ZNF385D: variants seen among roughly 807,000 people sequenced by gnomAD.
ZNF385D encodes the protein zinc finger protein 659.
ZNF385D carries 15 observed loss-of-function variants against 35.8 expected under a neutral mutation model. The ratio of observed to expected loss-of-function variants is 0.42; its 90% CI spans 0.28 to 0.64. The LOEUF is 0.64. Ranked by LOEUF, ZNF385D falls within the 30% of genes least tolerant of loss-of-function variation. The probability of loss-of-function intolerance (pLI) is 0.23; values close to 1 mark genes in which losing one functional copy is unlikely to be tolerated. For synonymous variants in ZNF385D, 212 were observed against 186.8 expected, an observed-to-expected ratio of 1.13 and a Z score of -1.10; for missense variants, 474 against 494.6, an observed-to-expected ratio of 0.96 and a Z score of 0.39.
At chr3:22,074,566 T>A (rs1278343126) in intron 3 of ZNF385D, among the ~76,000 whole-genome samples, 2 of 151,958 alleles carry the variant, frequency 1.3e-5, no homozygotes, top group East Asian at 3.8e-4. Context: ...AATTCCTGAT[T>A]CAAACCTCAT....
intron 3 of ZNF385D, among the ~76,000 whole-genome samples, chr3:21,757,877 C>A (rs1348982004): frequency 6.6e-6 from 1 of 152,166 alleles, no homozygotes; most frequent in Non-Finnish European, 1.5e-5. Context: ...ACCAATGCCT[C>A]AGATGGTGTC....
intron 2 of ZNF385D, among the ~76,000 whole-genome samples, chr3:22,269,114 T>C (rs1701045236): frequency 6.6e-6 from 1 of 151,966 alleles, no homozygotes; most frequent in Non-Finnish European, 1.5e-5. Flanking sequence ...AAACAGCTTA[T>C]ACCCTGCCAA....
chr3:21,691,086 C>A (rs182480064), intron 1 of ZNF385D, among the ~76,000 whole-genome samples: 6 of 152,208 alleles, frequency 3.9e-5, no homozygotes, highest in African/African-American at 1.4e-4. Context: ...TAGCCTGGAC[C>A]ACATGGTCAA....
intron 5 of ZNF385D, among the ~76,000 whole-genome samples, chr3:21,428,149 ATTC>A (rs1701105901): frequency 6.6e-6 from 1 of 152,168 alleles, no homozygotes; most frequent in African/African-American, 2.4e-5. Flanking sequence ...AGGAAAATGT[ATTC>A]TTAATTATAA....
chr3:21,971,760 G>T (rs936886351), intron 3 of ZNF385D, among the ~76,000 whole-genome samples: 2 of 151,338 alleles, frequency 1.3e-5, no homozygotes, highest in African/African-American at 4.8e-5. Context: ...TGAAAATAAA[G>T]GGATGAAAAA....
At chr3:21,773,265 T>G (rs974879560) in intron 3 of ZNF385D, among the ~76,000 whole-genome samples, 1 of 147,054 alleles carries the variant, frequency 6.8e-6, no homozygotes, top group Admixed American at 6.9e-5. Context: ...ATAAAAGATA[T>G]TTACCATTTT....
chr3:21,916,344 A>G (rs1419384993), intron 3 of ZNF385D, among the ~76,000 whole-genome samples: 3 of 152,126 alleles, frequency 2.0e-5, no homozygotes, highest in Non-Finnish European at 4.4e-5. Context: ...TTGTTCTTCA[A>G]ACTAACCCTC....
chr3:21,681,299 A>G (rs13317234), intron 1 of ZNF385D, among the ~76,000 whole-genome samples: 614 of 7,634 alleles, frequency 0.08, 5 homozygotes, highest in African/African-American at 0.15. Context: ...TTCCATCAGT[A>G]AAAAAAAAAA....
chr3:21,782,309 C>T (rs548825359), intron 3 of ZNF385D, among the ~76,000 whole-genome samples: 1 of 152,212 alleles, frequency 6.6e-6, no homozygotes, highest in African/African-American at 2.4e-5. Context: ...AACATAAAAT[C>T]TCCAAGTTTA....
At chr3:22,035,307 A>T (rs1698247963) in intron 3 of ZNF385D, among the ~76,000 whole-genome samples, 1 of 152,202 alleles carries the variant, frequency 6.6e-6, no homozygotes, top group South Asian at 2.1e-4. Flanking sequence ...ACAGGGCTGG[A>T]CAGTCTTGTT....
chr3:21,971,026 G>A (rs899539689), intron 3 of ZNF385D, among the ~76,000 whole-genome samples: 1 of 152,040 alleles, frequency 6.6e-6, no homozygotes, highest in Admixed American at 6.5e-5. Context: ...AAAGCTGAGG[G>A]ATTTTATCAA....
intron 2 of ZNF385D, among the ~76,000 whole-genome samples, chr3:22,329,423 C>G (rs1333655949): frequency 2.6e-5 from 4 of 152,076 alleles, no homozygotes; most frequent in African/African-American, 9.7e-5. Flanking sequence ...TTGGTGCAGA[C>G]TAGAAGTTTT....
chr3:22,109,775 A>C (rs1490028202), intron 3 of ZNF385D, among the ~76,000 whole-genome samples: 1 of 152,142 alleles, frequency 6.6e-6, no homozygotes, highest in African/African-American at 2.4e-5. Context: ...AAAATTGACA[A>C]ATGGGATCTA....
chr3:21,430,290 T>G (rs146439453), intron 5 of ZNF385D, among the ~76,000 whole-genome samples: 8 of 152,240 alleles, frequency 5.3e-5, no homozygotes, highest in Non-Finnish European at 1.2e-4. Context: ...TTGAAAGTAA[T>G]TCACTGATTT....
intron 4 of ZNF385D, among the ~76,000 whole-genome samples, chr3:21,475,922 C>T (rs1028611680): frequency 6.6e-6 from 1 of 150,496 alleles, no homozygotes; most frequent in African/African-American, 2.4e-5. Flanking sequence ...AGACCTCATC[C>T]TTTAGATATA....
chr3:21,968,483 G>T (rs1179035273), intron 3 of ZNF385D, among the ~76,000 whole-genome samples: 1 of 151,852 alleles, frequency 6.6e-6, no homozygotes, highest in Non-Finnish European at 1.5e-5. Flanking sequence ...AGGCAGAAGA[G>T]CTCTCAAGTC....
At chr3:21,842,167 A>G (rs886166745) in intron 3 of ZNF385D, among the ~76,000 whole-genome samples, 2 of 151,978 alleles carry the variant, frequency 1.3e-5, no homozygotes, top group African/African-American at 4.8e-5. Flanking sequence ...TAATAATTCA[A>G]TATGTAATCT....
chr3:21,886,330 G>C (rs1698544988), intron 3 of ZNF385D, among the ~76,000 whole-genome samples: 1 of 151,748 alleles, frequency 6.6e-6, no homozygotes, highest in Non-Finnish European at 1.5e-5. Context: ...AGTGATTGTA[G>C]ATTTAGTAAC....
intron 2 of ZNF385D, among the ~76,000 whole-genome samples, chr3:22,350,891 C>T (rs1695884696): frequency 6.6e-6 from 1 of 152,006 alleles, no homozygotes; most frequent in Admixed American, 6.6e-5. Flanking sequence ...TACCTAAAAC[C>T]ATTCTGGGGG....
Sources: allele counts gnomAD v4.1 joint callset (sites outside exome capture counted in the v4.1 genomes callset), GRCh38; gene constraint gnomAD v4.1.1; transcripts MANE v1.5; gene names NCBI Gene and HGNC (gene_info 2026-07-23, HGNC 2026-07-21).